The following CACNA1B variants were observed in gnomAD, a reference collection of about 807,000 sequenced individuals.
The protein encoded by CACNA1B is calcium voltage-gated channel subunit alpha1 B.
In CACNA1B, 70 loss-of-function variants were observed where a neutral mutation model predicts 247.2. That is an observed-to-expected ratio of 0.28 (90% confidence interval 0.23 to 0.35). The LOEUF is 0.35. CACNA1B is among the 10% of genes least tolerant of loss of function. CACNA1B has a pLI of 1.00. For missense variants in CACNA1B, 2,367 were observed against 3,197.4 expected (o/e 0.74, Z 6.26); for synonymous variants, 1,231 against 1,294.4 (o/e 0.95, Z 1.05).
chr9:137,999,852 C>A (rs1053426796), intron 15 of CACNA1B, among the ~76,000 whole-genome samples: 1 of 151,968 alleles, frequency 6.6e-6, no homozygotes, highest in East Asian at 1.9e-4. Context: ...GAATAATAAA[C>A]CAAAGAAAAA....
intron 12 of CACNA1B, among the ~76,000 whole-genome samples, chr9:137,978,996 G>A (rs1958262071): frequency 6.6e-6 from 1 of 152,196 alleles, no homozygotes; most frequent in Admixed American, 6.5e-5. Flanking sequence ...CACAAAGAAG[G>A]TCTGAGTGCA....
Position 138,122,646 on chromosome 9 carries a change from C to T in CACNA1B, c.*647C>T, listed in dbSNP as rs1055202931. ...ACGTGATGTAGAAAAAATGGAAAAC[C>T]AGAAAAATGGGGAAGGAAATGTTCA... On this transcript the variant is annotated 3_prime_UTR_variant, in exon 47 of 47. Coordinates refer to ENST00000371372, the MANE Select transcript of CACNA1B (RefSeq NM_000718.4). 2 of 152,236 alleles carry T rather than the reference C, an allele frequency of 1.3e-5. No individual in the cohort carries two copies. Among genetic ancestry groups the T allele is most frequent in the African/African-American group, 4.8e-5 (2 of 41,432 alleles). The allele number at this position is 152,236 out of a possible 1,614,324, so 9.4% of individuals were successfully genotyped here.
In CACNA1B at chr9:137,894,548, G is replaced by A. The variant is rs548567401; in HGVS notation, c.530+11665G>A. Among the ~76,000 whole-genome samples the A allele has an allele frequency of 3.2e-3, 485 of 151,976 alleles. 2 individuals are homozygous for A. Among genetic ancestry groups the A allele is most frequent in the Middle Eastern group, 0.014 (4 of 294 alleles). ...CTCAGCCTCCCGAGTAGCTGGGACT[G>A]CAGGCGCCCGCCACCACGCCCGGCT... On this transcript the variant is annotated intron_variant, in intron 3 of 46. Transcript: ENST00000371372.
At chr9:137,991,781 T>A in intron 15 of CACNA1B, among the ~76,000 whole-genome samples, 1 of 152,200 alleles carries the variant, frequency 6.6e-6, no homozygotes, top group Admixed American at 6.5e-5. Context: ...TAGGGTCCTA[T>A]CTTTAGTCTC....
At chr9:137,938,525 A>G (rs1319925734) in intron 6 of CACNA1B, among the ~76,000 whole-genome samples, 2 of 152,164 alleles carry the variant, frequency 1.3e-5, no homozygotes, top group Admixed American at 6.5e-5. Flanking sequence ...CACCTAACAC[A>G]TAAGACTCAT....
rs754545679 is a variant in CACNA1B at position 138,049,315 on chromosome 9, C to T, written c.3710C>T (p.Ser1237Leu). 16 of 1,568,600 alleles carry T rather than the reference C, an allele frequency of 1.0e-5. No individual in the cohort carries two copies. The highest frequency in any genetic ancestry group is 4.5e-5 in the East Asian group (2 of 44,658). The stretch of plus-strand genomic sequence containing the variant: ...GGCGCCCTGGTGGCGTTTGCTTTCT[C>T]GTAAGTAACGTTCGCTCTGCTCTGG... ...VSGALVAFAF[S>L]GSKGKDINTI... is the part of the protein sequence containing the mutation. Residue 1237 changes from serine (S) to leucine (L), a missense_variant and splice_region_variant, in exon 24 of 47, where the codon TCA becomes TTA. Transcript: ENST00000371372.
chr9:138,093,120 GA>G (rs1475667443), intron 36 of CACNA1B, among the ~76,000 whole-genome samples: 7 of 152,138 alleles, frequency 4.6e-5, no homozygotes, highest in Admixed American at 1.3e-4. Context: ...AAAAAAGATA[GA>G]AAAAGAAAAG....
At position 137,986,578 on chromosome 9, in the gene CACNA1B, G is replaced by A; in HGVS notation, c.1901+34G>A. On this transcript the variant is annotated intron_variant, in intron 14 of 46. Transcript: ENST00000371372. This position sits in a 1 kb window ranked among gnomAD's most constrained non-coding sequence, Gnocchi z 6.0. ...GCCCGGGAGGGAGAGCTCAAGGCTG[G>A]GGGCTTGCAGGGAAGCAGAGCTCAG... The A allele has an allele frequency of 1.9e-6, 3 of 1,612,030 alleles. No homozygotes were observed. Among genetic ancestry groups the A allele is most frequent in the East Asian group, 2.2e-5 (1 of 44,852 alleles).
At position 137,975,764 on chromosome 9, in the gene CACNA1B, A is replaced by G. The variant is rs1031428628; in HGVS notation, c.1544-143A>G. The G allele has an allele frequency of 1.3e-5, 9 of 672,234 alleles. No individual in the cohort carries two copies. In the African/African-American group the frequency reaches 1.6e-4, roughly 12 times the overall value. 41.6% of individuals were successfully genotyped at this position (672,234 alleles called of 1,614,324 possible). A position where few individuals can be genotyped will look rare whatever the true frequency, so the allele number is the denominator to read the frequency against. On this transcript the variant is annotated intron_variant, in intron 11 of 46. Transcript: ENST00000371372. Reference sequence around the variant, plus strand: ...AATCCATCGTTCCTTTCCTAGGCTGAGACTTCAGAGCATAGGACCATAGGC... The same window carrying G: ...AATCCATCGTTCCTTTCCTAGGCTGGGACTTCAGAGCATAGGACCATAGGC...
intron 13 of CACNA1B, among the ~76,000 whole-genome samples, chr9:137,984,511 C>G (rs566075243): frequency 1.3e-5 from 2 of 152,364 alleles, no homozygotes; most frequent in African/African-American, 4.8e-5. Context: ...TTCCCATCGT[C>G]TCCTGTCTTG....
Position 137,957,582 on chromosome 9 carries a change from C to G in CACNA1B, c.1244-16C>G. 3 of 1,558,566 alleles carry G rather than the reference C, an allele frequency of 1.9e-6. No homozygotes were observed. The highest frequency in any genetic ancestry group is 2.6e-6 in the Non-Finnish European group (3 of 1,151,376). On this transcript the variant is annotated splice_polypyrimidine_tract_variant and intron_variant, in intron 9 of 46. Transcript: ENST00000371372. The surrounding 1 kb of genome is among the most constrained non-coding windows in gnomAD (Gnocchi z 4.7). ...CTGCAGCTCAGGCAGTCTCTCCCATCCTTTGTTTAAAGCAGTGCTGAAGAG... is the reference window on the plus strand; with the variant it reads ...CTGCAGCTCAGGCAGTCTCTCCCATGCTTTGTTTAAAGCAGTGCTGAAGAG...
intron 31 of CACNA1B, among the ~76,000 whole-genome samples, chr9:138,062,521 C>T (rs918042643): frequency 6.6e-6 from 1 of 152,144 alleles, no homozygotes; most frequent in African/African-American, 2.4e-5. Context: ...TGTGGTGGGT[C>T]TGACAGCACA....
At chr9:138,034,461 T>G (rs1362190879) in intron 20 of CACNA1B, among the ~76,000 whole-genome samples, 1 of 151,718 alleles carries the variant, frequency 6.6e-6, no homozygotes, top group Non-Finnish European at 1.5e-5. Context: ...TTTTTTTTTT[T>G]TTTTGGCTTG....
At chr9:138,019,809 C>T (rs976396417) in intron 18 of CACNA1B, among the ~76,000 whole-genome samples, 2 of 152,068 alleles carry the variant, frequency 1.3e-5, no homozygotes, top group East Asian at 3.9e-4. Flanking sequence ...ATGTAAGATG[C>T]AGATGGTGGC....
chr9:138,104,231 C>G (rs1961349064), intron 38 of CACNA1B, among the ~76,000 whole-genome samples: 1 of 152,228 alleles, frequency 6.6e-6, no homozygotes, highest in Non-Finnish European at 1.5e-5. Context: ...CCTGGCCTTG[C>G]CTCTTGGCTT....
Position 137,877,846 on chromosome 9 carries a change from G to C in CACNA1B, c.-88G>C, listed in dbSNP as rs1297205248. ...GGTCCGCTGCGGTCCCGGCGGCTCC[G>C]TGGCTGCTCCGCTCTGAGCGCCTGG... On this transcript the variant is annotated 5_prime_UTR_variant, in exon 1 of 47. Coordinates refer to ENST00000371372, the MANE Select transcript of CACNA1B (RefSeq NM_000718.4). 1 of 775,564 alleles carries C rather than the reference G, an allele frequency of 1.3e-6. No individual in the cohort carries two copies. The highest frequency in any genetic ancestry group is 1.6e-6 in the Non-Finnish European group (1 of 637,178). 48.0% of individuals were successfully genotyped at this position (775,564 alleles called of 1,614,324 possible). A position where few individuals can be genotyped will look rare whatever the true frequency, so the allele number is the denominator to read the frequency against.
Position 138,013,187 on chromosome 9 carries a change from A to C in CACNA1B, c.2219A>C (p.Glu740Ala). ...AAGCTTGCTCTGCAAAAGGCCAAAG[A>C]AGTGGCTGAAGTCAGCCCCATGTCT... ...NQKLALQKAKEVAEVSPMSAA... is the reference protein window; with the variant it reads ...NQKLALQKAKAVAEVSPMSAA... The change falls in exon 18 of 47, where the codon GAA becomes GCA. Residue 740 changes from glutamate (E) to alanine (A), a missense_variant. Glu to Ala is a moderately radical substitution (Grantham distance 107). Transcript: ENST00000371372. 6.2e-7 allele frequency: 1 copy of C among 1,610,982 alleles called. No homozygotes were observed. Among genetic ancestry groups the C allele is most frequent in the Non-Finnish European group, 8.5e-7 (1 of 1,178,536 alleles).
intron 6 of CACNA1B, among the ~76,000 whole-genome samples, chr9:137,923,365 A>G (rs1957511981): frequency 6.8e-6 from 1 of 148,114 alleles, no homozygotes; most frequent in Non-Finnish European, 1.5e-5. Flanking sequence ...CCGTGGCTCC[A>G]GGTGGTATTC....
Position 137,957,528 on chromosome 9 carries a change from A to G in CACNA1B, c.1244-70A>G. The stretch of plus-strand genomic sequence containing the variant: ...CTGGTCCCAGGGGGAGGGTGATCCC[A>G]TGCCCCGCTGAGGCAGGTGGCCTGA... On this transcript the variant is annotated intron_variant, in intron 9 of 46. Transcript: ENST00000371372. The surrounding 1 kb of genome is among the most constrained non-coding windows in gnomAD (Gnocchi z 4.7). The G allele has an allele frequency of 2.5e-6, 3 of 1,184,824 alleles. No homozygotes were observed. The highest frequency in any genetic ancestry group is 3.1e-5 in the African/African-American group (2 of 64,778). The allele number at this position is 1,184,824 out of a possible 1,614,324, so 73.4% of individuals were successfully genotyped here. A position where few individuals can be genotyped will look rare whatever the true frequency, so the allele number is the denominator to read the frequency against.
Sources: allele counts gnomAD v4.1 joint callset (sites outside exome capture counted in the v4.1 genomes callset), GRCh38; gene constraint gnomAD v4.1.1; non-coding constraint Gnocchi (gnomAD v3.1); transcripts MANE v1.5; gene names NCBI Gene and HGNC (gene_info 2026-07-23, HGNC 2026-07-21).